MYO1F: variants seen among roughly 807,000 people sequenced by gnomAD.
MYO1F encodes the protein unconventional myosin-If.
A neutral mutation model predicts 146.6 loss-of-function variants in MYO1F; 60 were observed. The ratio of observed to expected loss-of-function variants is 0.41; its 90% confidence interval spans 0.33 to 0.51. The LOEUF is 0.51. MYO1F is among the 20% of genes least tolerant of loss of function. The pLI is 0.25. For missense variants in MYO1F, 1,274 were observed against 1,534.3 expected, an observed-to-expected ratio of 0.83 and a Z score of 2.83; for synonymous variants, 602 against 602.1, an observed-to-expected ratio of 1.00 and a Z score of 0.00.
chr19:8,564,727 G>A (rs962864545), intron 1 of MYO1F, among the ~76,000 whole-genome samples: 6 of 151,694 alleles, frequency 4.0e-5, no homozygotes, highest in African/African-American at 1.5e-4. Context: ...GAGGGAGAGA[G>A]GCTGTGGGGG....
chr19:8,521,342 C>G lies in MYO1F; in HGVS notation c.*186G>C, dbSNP rs13346588. On this transcript the variant is annotated 3_prime_UTR_variant, in exon 28 of 28. Transcript: ENST00000644032. Reference sequence around the variant, plus strand: ...TGTGATGTTGGAGGAAGACCAGGGCCCAGGGGCGGGGGCTGCAGCAGTGAC... The same window carrying G: ...TGTGATGTTGGAGGAAGACCAGGGCGCAGGGGCGGGGGCTGCAGCAGTGAC... The G allele has an allele frequency of 0.019, 12,723 of 657,920 alleles. 1,135 individuals carry two copies. In the African/African-American group the frequency reaches 0.2, roughly 10 times the overall value. 40.8% of individuals were successfully genotyped at this position (657,920 alleles called of 1,614,324 possible). A position where few individuals can be genotyped will look rare whatever the true frequency, so the allele number is the denominator to read the frequency against.
chr19:8,553,958 G>A (rs2145924213), intron 4 of MYO1F, among the ~76,000 whole-genome samples: 1 of 146,672 alleles, frequency 6.8e-6, no homozygotes, highest in East Asian at 2.0e-4. Context: ...CATAGAGCTG[G>A]CATCGATTGA....
chr19:8,536,100 CCTCT>C (rs945279849), intron 19 of MYO1F, 148 bp downstream of exon 19: 19 of 1,005,444 alleles, frequency 1.9e-5, no homozygotes, highest in East Asian at 2.6e-5. Flanking sequence ...TCTGTCAATC[CCTCT>C]CTCTCAATCT....
At position 8,548,134 on chromosome 19, in the gene MYO1F, G is replaced by A. The variant is rs574676650; in HGVS notation, c.1183-12C>T. On this transcript the variant is annotated splice_polypyrimidine_tract_variant and intron_variant, in intron 11 of 27. Coordinates refer to ENST00000644032, the MANE Select transcript of MYO1F (RefSeq NM_012335.4). ...TCGAAGCCATTTTTCTGCAGAAGGA[G>A]GAAAAGGGTCCTTCCCTCAATGTCC... 5.6e-6 allele frequency: 9 copies of A among 1,613,688 alleles called. No homozygotes were observed. In the Admixed American group the frequency reaches 1.5e-4, roughly 27 times the overall value.
At position 8,553,513 on chromosome 19, in the gene MYO1F, A is replaced by G; in HGVS notation, c.327-76T>C. ...TTAGTGCCTGACCATTCATTCATTG[A>G]GCACCTACTGTGTGCCTGCCAGTAT... On this transcript the variant is annotated intron_variant, in intron 4 of 27. Transcript: ENST00000644032. 3 of 1,189,024 alleles carry G rather than the reference A, an allele frequency of 2.5e-6. No individual in the cohort carries two copies. The South Asian group carries it at 3.6e-5, about 14-fold the overall frequency. The allele number at this position is 1,189,024 out of a possible 1,614,324, so 73.7% of individuals were successfully genotyped here. A position where few individuals can be genotyped will look rare whatever the true frequency, so the allele number is the denominator to read the frequency against.
chr19:8,522,228 T>C (rs377407935), intron 27 of MYO1F, 149 bp downstream of exon 27: 11 of 998,896 alleles, frequency 1.1e-5, no homozygotes, highest in South Asian at 5.4e-5. Context: ...TTCACTGTGT[T>C]AGCCAGGATG....
chr19:8,556,767 A>G (rs1030646629), intron 1 of MYO1F, among the ~76,000 whole-genome samples: 4 of 151,758 alleles, frequency 2.6e-5, no homozygotes, highest in Non-Finnish European at 4.4e-5. Context: ...CATGCCTGTT[A>G]TCCCAGCTAC....
At chr19:8,540,191 G>A in intron 15 of MYO1F, 163 bp from the exon 16 acceptor site, 1 of 581,060 alleles carries the variant, frequency 1.7e-6, no homozygotes, top group Non-Finnish European at 3.0e-6. Flanking sequence ...TTTTTGGTTT[G>A]TTTTTTGAGG....
chr19:8,543,179 C>T (rs1229681735), intron 14 of MYO1F, among the ~76,000 whole-genome samples: 4 of 152,222 alleles, frequency 2.6e-5, no homozygotes, highest in Admixed American at 1.3e-4. Context: ...GCTGGGATTA[C>T]AGGCGTGAGC....
In MYO1F at chr19:8,574,577, T is replaced by C. The variant is rs11669933; in HGVS notation, c.3+2730A>G. Among the ~76,000 whole-genome samples the C allele has an allele frequency of 1.5e-3, 117 of 79,712 alleles. 1 individual carries two copies. The highest frequency in any genetic ancestry group is 2.5e-3 in the East Asian group (7 of 2,850). 52.3% of individuals were successfully genotyped at this position (79,712 alleles called of 152,430 possible). A position where few individuals can be genotyped will look rare whatever the true frequency, so the allele number is the denominator to read the frequency against. ...TTTCTTTCTTTCTTTCTTTCTTTCTTTCTCTCTCTCTCTCTCTCTCTTTCT... is the reference window on the plus strand; with the variant it reads ...TTTCTTTCTTTCTTTCTTTCTTTCTCTCTCTCTCTCTCTCTCTCTCTTTCT... On this transcript the variant is annotated intron_variant, in intron 1 of 27. Coordinates refer to ENST00000644032, the MANE Select transcript of MYO1F (RefSeq NM_012335.4).
intron 27 of MYO1F, among the ~76,000 whole-genome samples, chr19:8,521,881 C>T (rs1255478985): frequency 6.6e-6 from 1 of 152,108 alleles, no homozygotes; most frequent in African/African-American, 2.4e-5. Context: ...TCTCAAACTC[C>T]TGACCTCAAG....
Position 8,530,223 on chromosome 19 carries a change from C to G in MYO1F, c.2301G>C (p.Ser767=). The change falls in exon 21 of 28, where the codon TCG becomes TCC. Residue 767 remains serine, a synonymous_variant. Coordinates refer to ENST00000644032, the MANE Select transcript of MYO1F (RefSeq NM_012335.4). The surrounding 1 kb of genome is among the most constrained non-coding windows in gnomAD (Gnocchi z 5.8). ...TGAAGCGGCGGTCGTACTTGGTGAC[C>G]GAATCGGCGAAGTCCACCCGCTCCC... ...GKRERVDFAD[S]VTKYDRRFKP... is the part of the protein sequence containing the mutation. 6.2e-7 allele frequency: 1 copy of G among 1,614,036 alleles called. No individual in the cohort carries two copies. The highest frequency in any genetic ancestry group is 8.5e-7 in the Non-Finnish European group (1 of 1,179,994).
intron 25 of MYO1F, among the ~76,000 whole-genome samples, chr19:8,523,109 G>T (rs1485546973): frequency 2.7e-5 from 4 of 150,932 alleles, no homozygotes; most frequent in Non-Finnish European, 4.4e-5. Flanking sequence ...TCGGCTCACT[G>T]CAAGCTCCGC....
At position 8,522,448 on chromosome 19, in the gene MYO1F, T is replaced by C; in HGVS notation, c.3149A>G (p.Tyr1050Cys). ...RTHGPRCRALYQYVGQDVDEL... is the reference protein window; with the variant it reads ...RTHGPRCRALCQYVGQDVDEL... Reference sequence around the variant, plus strand: ...GTCCACATCTTGGCCCACGTACTGGTATAGGGCCCGGCACCTGGGACCATG... The same window carrying C: ...GTCCACATCTTGGCCCACGTACTGGCATAGGGCCCGGCACCTGGGACCATG... The change falls in exon 27 of 28, where the codon TAC (tyrosine) becomes TGC (cysteine). Residue 1050 changes from tyrosine (Y) to cysteine (C), a missense_variant. Physicochemically the swap from Tyr to Cys is radical, Grantham distance 194 (BLOSUM62 -2). This residue lies in a region of MYO1F where 374 missense variants were observed against 379.2 expected (regional missense o/e 0.99). Coordinates refer to ENST00000644032, the MANE Select transcript of MYO1F (RefSeq NM_012335.4). The C allele has an allele frequency of 6.2e-7, 1 of 1,614,060 alleles. No individual in the cohort carries two copies. Among genetic ancestry groups the C allele is most frequent in the South Asian group, 1.1e-5 (1 of 91,074 alleles).
intron 19 of MYO1F, among the ~76,000 whole-genome samples, chr19:8,532,155 C>CAA (rs762394192): frequency 2.2e-5 from 3 of 138,292 alleles, no homozygotes; most frequent in African/African-American, 8.0e-5. Context: ...AACTCCATCT[C>CAA]AAAAAAAAAA....
chr19:8,521,913 T>A (rs2967775), intron 27 of MYO1F, among the ~76,000 whole-genome samples: 1 of 151,992 alleles, frequency 6.6e-6, no homozygotes, highest in African/African-American at 2.4e-5. Context: ...CCTCAGCCAC[T>A]GAAAGTGCTG....
Position 8,521,327 on chromosome 19 carries a change from G to C in MYO1F, c.*201C>G. The C allele has an allele frequency of 1.6e-6, 1 of 627,866 alleles. No homozygotes were observed. The highest frequency in any genetic ancestry group is 2.9e-6 in the Non-Finnish European group (1 of 346,588). 38.9% of individuals were successfully genotyped at this position (627,866 alleles called of 1,614,324 possible). On this transcript the variant is annotated 3_prime_UTR_variant, in exon 28 of 28. Transcript: ENST00000644032. ...AGAATGGGCAGCAGGTGTGATGTTG[G>C]AGGAAGACCAGGGCCCAGGGGCGGG...
chr19:8,554,671 C>G lies in MYO1F; in HGVS notation c.214G>C (p.Asp72His). ...QMPYFTDREIDLYQGAAQYEN... is the reference protein window; with the variant it reads ...QMPYFTDREIHLYQGAAQYEN... ...AGCCTCACCGCGCCCTGATAGAGGT[C>G]GATCTCACGGTCGGTGAAGTAGGGC... The change falls in exon 3 of 28, where the codon GAC (aspartate) becomes CAC (histidine). Residue 72 changes from aspartate to histidine, a missense_variant. Physicochemically the swap from Asp to His is moderately conservative, Grantham distance 81 (BLOSUM62 -1). Around this residue, in one of 2 missense-constraint regions of MYO1F, gnomAD observed 900 missense variants for 1,155.1 expected, o/e 0.78. Coordinates refer to ENST00000644032, the MANE Select transcript of MYO1F (RefSeq NM_012335.4). The G allele has an allele frequency of 6.2e-7, 1 of 1,613,876 alleles. No individual in the cohort carries two copies. The highest frequency in any genetic ancestry group is 8.5e-7 in the Non-Finnish European group (1 of 1,179,972).
At chr19:8,525,632 C>A in intron 24 of MYO1F, 70 bp from the exon 25 acceptor site, 4 of 1,354,766 alleles carry the variant, frequency 3.0e-6, no homozygotes, top group Non-Finnish European at 4.2e-6. Flanking sequence ...CAAATCTAGT[C>A]CATTCTGAGG....
Sources: gnomAD v4.1 joint callset for allele counts (sites outside exome capture counted in the v4.1 genomes callset) on GRCh38, gnomAD v4.1.1 for gene constraint, gnomAD v4.1.1 regional missense constraint, Gnocchi (gnomAD v3.1) non-coding constraint, MANE v1.5 for transcripts, NCBI Gene and HGNC (gene_info 2026-07-23, HGNC 2026-07-21) for gene names.